Variants in EDA observed in about 807,000 individuals in gnomAD.
EDA encodes the protein ectodysplasin A, also known as ectodysplasin-A.
EDA carries 2 observed loss-of-function variants against 23.6 expected under a neutral mutation model. The observed-to-expected ratio is 0.08, with a 90% CI of 0.03 to 0.27. The LOEUF is 0.27. EDA is among the 10% of genes least tolerant of loss of function. The pLI, the probability that EDA is intolerant of heterozygous loss-of-function variation, is 1.00. For missense variants in EDA, 229 were observed against 324.2 expected (o/e 0.71, Z 2.26); for synonymous variants, 131 against 132.0 (o/e 0.99, Z 0.05).
At chrX:69,777,621 C>T (rs1472610549) in intron 1 of EDA, among the ~76,000 whole-genome samples, 1 of 111,156 alleles carries the variant, frequency 9.0e-6, no homozygotes, top group African/African-American at 3.3e-5. Context: ...TCAAGTAGCT[C>T]TGTCACTTTC....
At chrX:70,010,555 A>C (rs1343946624) in intron 2 of EDA, among the ~76,000 whole-genome samples, 5 of 110,955 alleles carry the variant, frequency 4.5e-5, no homozygotes, top group Non-Finnish European at 7.6e-5. Flanking sequence ...TTCTTCATTC[A>C]CTCTGGCAGT....
chrX:69,881,026 T>C (rs935802097), intron 1 of EDA, among the ~76,000 whole-genome samples: 1 of 111,096 alleles, frequency 9.0e-6, no homozygotes, highest in Non-Finnish European at 1.9e-5. Context: ...TATCCCTGTA[T>C]AGAAAAATCC....
intron 1 of EDA, among the ~76,000 whole-genome samples, chrX:69,701,391 A>G (rs1276640924): frequency 8.9e-6 from 1 of 111,843 alleles, no homozygotes; most frequent in Non-Finnish European, 1.9e-5. Context: ...AGTCGCCTTC[A>G]TTGCCACACT....
intron 2 of EDA, among the ~76,000 whole-genome samples, chrX:69,993,079 TA>T (rs1465299403): frequency 9.1e-6 from 1 of 110,493 alleles, no homozygotes; most frequent in African/African-American, 3.3e-5. Context: ...TCCCCATTTA[TA>T]ATGCCACTTC....
chrX:69,626,901 G>A (rs1194547772), intron 1 of EDA, among the ~76,000 whole-genome samples: 5 of 111,349 alleles, frequency 4.5e-5, no homozygotes, highest in Admixed American at 1.9e-4. Flanking sequence ...ATAGAAGATG[G>A]TGAATAAATG....
intron 1 of EDA, among the ~76,000 whole-genome samples, chrX:69,830,418 A>T (rs1371693680): frequency 9.0e-6 from 1 of 111,496 alleles, no homozygotes; most frequent in Non-Finnish European, 1.9e-5. Flanking sequence ...CTGCTGAGGT[A>T]ATTGGTTAGC....
intron 2 of EDA, among the ~76,000 whole-genome samples, chrX:69,992,018 C>G (rs1338923775): frequency 8.9e-6 from 1 of 112,198 alleles, no homozygotes; most frequent in African/African-American, 3.2e-5. Flanking sequence ...AAGATTGGGT[C>G]CCCTGCCACT....
chrX:69,629,734 G>C (rs959841753), intron 1 of EDA, among the ~76,000 whole-genome samples: 4 of 111,091 alleles, frequency 3.6e-5, no homozygotes, highest in Non-Finnish European at 5.7e-5. Flanking sequence ...CCCTCCTTCA[G>C]ATCTTTAAAA....
intron 1 of EDA, among the ~76,000 whole-genome samples, chrX:69,835,607 G>A (rs755382872): frequency 2.2e-4 from 24 of 111,261 alleles, no homozygotes; most frequent in Admixed American, 5.7e-4. Flanking sequence ...CTAGTTAGCC[G>A]TTTGTCTAAT....
chrX:69,639,418 CT>C (rs1002788692), intron 1 of EDA, among the ~76,000 whole-genome samples: 2 of 111,777 alleles, frequency 1.8e-5, no homozygotes, highest in African/African-American at 6.5e-5. Context: ...TCTCCACATC[CT>C]TATCAACACT....
At chrX:69,826,888 A>G (rs1602453377) in intron 1 of EDA, among the ~76,000 whole-genome samples, 1 of 112,141 alleles carries the variant, frequency 8.9e-6, no homozygotes, top group Admixed American at 9.5e-5. Context: ...CTTTTAGGGC[A>G]GGCCTGGTGG....
intron 1 of EDA, among the ~76,000 whole-genome samples, chrX:69,781,573 G>C (rs2147446418): frequency 9.0e-6 from 1 of 111,679 alleles, no homozygotes; most frequent in Non-Finnish European, 1.9e-5. Context: ...GAAAAAGTTT[G>C]CTGCTAGAGG....
At chrX:69,658,637 CT>C (rs1447115477) in intron 1 of EDA, among the ~76,000 whole-genome samples, 1 of 111,471 alleles carries the variant, frequency 9.0e-6, no homozygotes, top group East Asian at 2.8e-4. Flanking sequence ...ACAGAGAACT[CT>C]GCTTCCTATG....
At chrX:69,821,332 A>C (rs955125555) in intron 1 of EDA, among the ~76,000 whole-genome samples, 4 of 110,030 alleles carry the variant, frequency 3.6e-5, no homozygotes, top group Non-Finnish European at 7.6e-5. Flanking sequence ...CTGTGCAGCA[A>C]ACCACCATGG....
chrX:69,785,609 A>G (rs1242717600), intron 1 of EDA, among the ~76,000 whole-genome samples: 4 of 110,435 alleles, frequency 3.6e-5, no homozygotes, highest in African/African-American at 1.3e-4. Context: ...TGATTTGCGC[A>G]TATTGAACCA....
chrX:69,663,429 G>T (rs761409815), intron 1 of EDA, among the ~76,000 whole-genome samples: 3 of 112,511 alleles, frequency 2.7e-5, no homozygotes, highest in East Asian at 5.6e-4. Flanking sequence ...CTTCCATGTG[G>T]TATTGAGCCT....
chrX:69,907,910 T>C (rs915331402), intron 1 of EDA, among the ~76,000 whole-genome samples: 1 of 110,960 alleles, frequency 9.0e-6, no homozygotes, highest in South Asian at 3.8e-4. Context: ...GAAGAAAAAC[T>C]AGATCTATGA....
At chrX:69,703,245 C>G (rs1337432049) in intron 1 of EDA, among the ~76,000 whole-genome samples, 1 of 111,350 alleles carries the variant, frequency 9.0e-6, no homozygotes, top group Non-Finnish European at 1.9e-5. Flanking sequence ...CAAGAGAGGC[C>G]GTGCAGATTT....
intron 2 of EDA, among the ~76,000 whole-genome samples, chrX:70,017,711 A>C (rs2019970802): frequency 8.9e-6 from 1 of 111,985 alleles, no homozygotes; most frequent in Non-Finnish European, 1.9e-5. Flanking sequence ...TAAAATAATA[A>C]GAGCCATTTA....
Sources: allele counts gnomAD v4.1 joint callset (sites outside exome capture counted in the v4.1 genomes callset), GRCh38; gene constraint gnomAD v4.1.1; transcripts MANE v1.5; gene names NCBI Gene and HGNC (gene_info 2026-07-23, HGNC 2026-07-21).